Variants in SLC35F3 observed in about 807,000 individuals in gnomAD.
SLC35F3 encodes solute carrier family 35 member F3.
Under a neutral mutation model 49.9 loss-of-function variants are expected in SLC35F3, and 25 were observed. The observed-to-expected ratio is 0.50, with a 90% CI of 0.37 to 0.70. The LOEUF (loss-of-function observed/expected upper bound fraction) is 0.70. Among genes scored for constraint, SLC35F3 ranks in the 30% least tolerant of loss-of-function variants. SLC35F3 has a pLI of 0.00. For missense variants in SLC35F3, 525 were observed against 639.8 expected, an observed-to-expected ratio of 0.82 and a Z score of 1.94; for synonymous variants, 275 against 265.4, an observed-to-expected ratio of 1.04 and a Z score of -0.35.
intron 3 of SLC35F3, among the ~76,000 whole-genome samples, chr1:234,244,433 C>T (rs943857084): frequency 2.0e-5 from 3 of 152,058 alleles, no homozygotes; most frequent in African/African-American, 7.2e-5. Context: ...ATCATGTTCA[C>T]AATCAGAGTA....
intron 2 of SLC35F3, among the ~76,000 whole-genome samples, chr1:234,127,816 A>G (rs186678762): frequency 6.6e-6 from 1 of 152,322 alleles, no homozygotes; most frequent in Admixed American, 6.5e-5. Context: ...TAAATTGGGG[A>G]AGATTATGTG....
chr1:234,284,014 TTCC>T (rs748966026), intron 3 of SLC35F3, among the ~76,000 whole-genome samples: 2 of 152,158 alleles, frequency 1.3e-5, no homozygotes, highest in African/African-American at 2.4e-5. Flanking sequence ...CAAGCGATCC[TTCC>T]TCCTCAGCAC....
chr1:234,158,040 A>C (rs59047912), intron 2 of SLC35F3, among the ~76,000 whole-genome samples: 5,406 of 152,272 alleles, frequency 0.036, 319 homozygotes, highest in African/African-American at 0.12. Context: ...TCCGGGACTC[A>C]TCTTCACTAA....
At chr1:233,923,556 G>A (rs1399084989) in intron 2 of SLC35F3, among the ~76,000 whole-genome samples, 1 of 152,172 alleles carries the variant, frequency 6.6e-6, no homozygotes, top group Non-Finnish European at 1.5e-5. Context: ...GGCTGAGACA[G>A]TGGGGTTTTC....
chr1:234,169,958 G>A (rs536085771), intron 2 of SLC35F3, among the ~76,000 whole-genome samples: 9 of 152,250 alleles, frequency 5.9e-5, no homozygotes, highest in Admixed American at 1.3e-4. Context: ...TAGTGGAGAC[G>A]GGGTTTCACC....
chr1:234,081,219 A>G (rs745618034), intron 2 of SLC35F3, among the ~76,000 whole-genome samples: 4 of 152,226 alleles, frequency 2.6e-5, no homozygotes, highest in Non-Finnish European at 5.9e-5. Flanking sequence ...TACAGGCCAA[A>G]CATCCATTTA....
intron 2 of SLC35F3, among the ~76,000 whole-genome samples, chr1:234,110,345 A>G (rs1418423094): frequency 6.6e-6 from 1 of 152,242 alleles, no homozygotes; most frequent in Non-Finnish European, 1.5e-5. Context: ...GGAAGATGGC[A>G]ATGACACTCA....
intron 2 of SLC35F3, among the ~76,000 whole-genome samples, chr1:233,908,634 CG>C (rs1023087161): frequency 6.7e-6 from 1 of 150,136 alleles, no homozygotes; most frequent in African/African-American, 2.5e-5. Flanking sequence ...TTCCACCTCC[CG>C]GGTTCAAGCG....
chr1:234,119,738 G>A (rs1374197661), intron 2 of SLC35F3, among the ~76,000 whole-genome samples: 2 of 152,190 alleles, frequency 1.3e-5, no homozygotes, highest in Non-Finnish European at 1.5e-5. Context: ...TAGGGGTGGG[G>A]AAATGAACAG....
intron 3 of SLC35F3, among the ~76,000 whole-genome samples, chr1:234,304,860 T>C (rs766069888): frequency 1.3e-5 from 2 of 150,908 alleles, no homozygotes; most frequent in Non-Finnish European, 3.0e-5. Context: ...TAATCTCCCA[T>C]AAAATAAGAT....
intron 2 of SLC35F3, among the ~76,000 whole-genome samples, chr1:234,081,938 G>GTTTTTTTTT (rs1352381288): frequency 9.0e-4 from 23 of 25,528 alleles, no homozygotes; most frequent in Admixed American, 2.4e-3. Flanking sequence ...TTTTTTTTTA[G>GTTTTTTTTT]TAGAGACAGG....
Position 234,214,469 on chromosome 1 carries a change from G to A in SLC35F3, c.284-16948G>A, listed in dbSNP as rs1237616340. ...CGGCCCCAGGATGTAGGCGATCGGC[G>A]GCAGCGCTCCTGCAGGCGGCCGGCT... On this transcript the variant is annotated intron_variant, in intron 2 of 7. Coordinates refer to ENST00000366618, the MANE Select transcript of SLC35F3 (RefSeq NM_173508.4). The surrounding 1 kb of genome is among the most constrained non-coding windows in gnomAD (Gnocchi z 8.0). The A allele has an allele frequency of 3.6e-5, 54 of 1,518,080 alleles. No homozygotes were observed. The highest frequency in any genetic ancestry group is 9.9e-5 in the South Asian group (8 of 80,462). 94.0% of individuals were successfully genotyped at this position (1,518,080 alleles called of 1,614,324 possible). A position where few individuals can be genotyped will look rare whatever the true frequency, so the allele number is the denominator to read the frequency against.
chr1:234,176,767 G>A (rs988626285), intron 2 of SLC35F3, among the ~76,000 whole-genome samples: 1 of 152,174 alleles, frequency 6.6e-6, no homozygotes, highest in Non-Finnish European at 1.5e-5. Context: ...ACATCTACAA[G>A]TGGAGATCAG....
At position 234,242,897 on chromosome 1, in the gene SLC35F3, A is replaced by G. The variant is rs138415887; in HGVS notation, c.608+11156A>G. Reference sequence around the variant, plus strand: ...CACATCATTAGAAACACTAGATAGCATTATTTTGCTACATGTTTCTCAGGG... The same window carrying G: ...CACATCATTAGAAACACTAGATAGCGTTATTTTGCTACATGTTTCTCAGGG... On this transcript the variant is annotated intron_variant, in intron 3 of 7. Transcript: ENST00000366618. 1.1e-3 allele frequency among the ~76,000 whole-genome samples: 166 copies of G among 152,338 alleles called. No individual in the cohort carries two copies. In the Middle Eastern group the frequency reaches 0.017, roughly 16 times the overall value.
intron 2 of SLC35F3, among the ~76,000 whole-genome samples, chr1:234,017,361 C>A (rs555709111): frequency 6.6e-6 from 1 of 152,256 alleles, no homozygotes; most frequent in South Asian, 2.1e-4. Flanking sequence ...CTGTGAGCTT[C>A]TGGTCACATT....
intron 2 of SLC35F3, among the ~76,000 whole-genome samples, chr1:234,015,536 G>A (rs1005438061): frequency 1.3e-5 from 2 of 152,056 alleles, no homozygotes; most frequent in Non-Finnish European, 2.9e-5. Flanking sequence ...TTCAACAAAG[G>A]TGCCAAGAAC....
chr1:234,165,038 T>TTGTGTGTG (rs58676109), intron 2 of SLC35F3, among the ~76,000 whole-genome samples: 192 of 137,874 alleles, frequency 1.4e-3, no homozygotes, highest in East Asian at 9.9e-3. Context: ...TAGCTTCAAT[T>TTGTGTGTG]TGTGTGTGTG....
chr1:233,979,086 G>A (rs1162764720), intron 2 of SLC35F3, among the ~76,000 whole-genome samples: 1 of 147,714 alleles, frequency 6.8e-6, no homozygotes, highest in East Asian at 1.9e-4. Context: ...AAACAAAAAA[G>A]AAAAAGAAAA....
At chr1:233,944,209 T>G (rs530228508) in intron 2 of SLC35F3, among the ~76,000 whole-genome samples, 1 of 152,212 alleles carries the variant, frequency 6.6e-6, no homozygotes, top group South Asian at 2.1e-4. Context: ...TGAAGGAGAT[T>G]GAGACACAAA....
Sources: allele counts gnomAD v4.1 joint callset (sites outside exome capture counted in the v4.1 genomes callset), GRCh38; gene constraint gnomAD v4.1.1; non-coding constraint Gnocchi (gnomAD v3.1); transcripts MANE v1.5; gene names NCBI Gene and HGNC (gene_info 2026-07-23, HGNC 2026-07-21).